TMTC4: variants seen among roughly 807,000 people sequenced by gnomAD.
TMTC4 encodes protein O-mannosyl-transferase TMTC4.
A neutral mutation model predicts 86.0 loss-of-function variants in TMTC4; 65 were observed. The ratio of observed to expected loss-of-function variants is 0.76; its 90% CI spans 0.62 to 0.93. TMTC4 has a LOEUF of 0.93. Ranked by LOEUF, TMTC4 falls within the 40% of genes least tolerant of loss-of-function variation. TMTC4 has a pLI of 0.00. For synonymous variants in TMTC4, 379 were observed against 382.5 expected, an observed-to-expected ratio of 0.99 and a Z score of 0.11; for missense variants, 866 against 948.1, an observed-to-expected ratio of 0.91 and a Z score of 1.14.
intron 15 of TMTC4, among the ~76,000 whole-genome samples, chr13:100,616,479 G>C (rs1024981102): frequency 6.6e-6 from 1 of 152,198 alleles, no homozygotes; most frequent in Non-Finnish European, 1.5e-5. Flanking sequence ...GGGTTTACAG[G>C]TGTGAGCCAC....
chr13:100,636,716 A>G lies in TMTC4; in HGVS notation c.1018T>C (p.Tyr340His). 6.2e-7 allele frequency: 1 copy of G among 1,614,192 alleles called. No individual in the cohort carries two copies. The highest frequency in any genetic ancestry group is 8.5e-7 in the Non-Finnish European group (1 of 1,180,012). Residue 340 changes from tyrosine (Y) to histidine (H), a missense_variant, in exon 10 of 19, where the codon TAC (tyrosine) becomes CAC (histidine). Coordinates refer to ENST00000342624, the MANE Select transcript of TMTC4 (RefSeq NM_032813.5). ...AGCAGCCAGGCATTCAATGAATAGT[A>G]GTAATTGTAGTTTACGGCCTGCCAG... ...MLVRAVNYNY[Y>H]YSLNAWLLLC... is the part of the protein sequence containing the mutation.
At chr13:100,612,714 C>T (rs924904848) in intron 16 of TMTC4, among the ~76,000 whole-genome samples, 7 of 150,840 alleles carry the variant, frequency 4.6e-5, no homozygotes, top group Non-Finnish European at 1.0e-4. Flanking sequence ...AGTGGCAAAG[C>T]CACTGCAATT....
At chr13:100,637,455 G>T in intron 9 of TMTC4, 83 bp downstream of exon 9, 1 of 1,514,602 alleles carries the variant, frequency 6.6e-7, no homozygotes, top group Non-Finnish European at 8.9e-7. Context: ...GTGCAGAGGA[G>T]TGAGACGAGG....
chr13:100,674,724 G>A lies in TMTC4; in HGVS notation c.-208+20C>T. On this transcript the variant is annotated intron_variant, in intron 1 of 18. Transcript: ENST00000342624. ...GCCCCGCGGCGCGCTCGGCCCTGCA[G>A]GGGCCGCCCCGCGCGTTACCTGCAA... The A allele has an allele frequency of 2.0e-6, 2 of 983,508 alleles. No individual in the cohort carries two copies. Among genetic ancestry groups the A allele is most frequent in the Non-Finnish European group, 2.4e-6 (2 of 829,176 alleles). The allele number at this position is 983,508 out of a possible 1,614,324, so 60.9% of individuals were successfully genotyped here. A position where few individuals can be genotyped will look rare whatever the true frequency, so the allele number is the denominator to read the frequency against.
chr13:100,632,075 T>A (rs917248194), intron 12 of TMTC4, among the ~76,000 whole-genome samples: 2 of 150,792 alleles, frequency 1.3e-5, no homozygotes, highest in Middle Eastern at 3.4e-3. Flanking sequence ...TCTCTCTCTC[T>A]CTCTCTCTCT....
intron 15 of TMTC4, among the ~76,000 whole-genome samples, chr13:100,618,450 TCTTG>T (rs1360567481): frequency 7.1e-6 from 1 of 140,966 alleles, no homozygotes; most frequent in African/African-American, 2.6e-5. Flanking sequence ...TTTTGTTGCT[TCTTG>T]TTTTTTTTTT....
chr13:100,631,029 C>T (rs974868790), intron 12 of TMTC4, among the ~76,000 whole-genome samples: 16 of 152,136 alleles, frequency 1.1e-4, no homozygotes, highest in Admixed American at 9.2e-4. Flanking sequence ...CAAAACAGAA[C>T]AAAAATCTCA....
chr13:100,640,174 G>A (rs1882828947), intron 7 of TMTC4, among the ~76,000 whole-genome samples: 1 of 151,724 alleles, frequency 6.6e-6, no homozygotes, highest in Admixed American at 6.6e-5. Context: ...GGACGATTTT[G>A]CCCTCCAGGG....
At chr13:100,626,377 G>A (rs946718305) in intron 12 of TMTC4, among the ~76,000 whole-genome samples, 1 of 152,180 alleles carries the variant, frequency 6.6e-6, no homozygotes, top group African/African-American at 2.4e-5. Flanking sequence ...CATCTCTAAA[G>A]CACAACAGAA....
In TMTC4 at chr13:100,623,640, G is replaced by GTTTTTTTTTTTTTT. The variant is rs71200708; in HGVS notation, c.1836+1894_1836+1895insAAAAAAAAAAAAAA. ...GTCAGTTTTGGAAACTACTAGTTGG[G>GTTTTTTTTTTTTTT]TTTTGTTTTTTTTTTTTTTTTTTTT... On this transcript the variant is annotated intron_variant, in intron 15 of 18. Transcript: ENST00000342624. 1.2e-4 allele frequency among the ~76,000 whole-genome samples: 12 copies of GTTTTTTTTTTTTTT among 96,166 alleles called. 6 individuals carry two copies. Among genetic ancestry groups the GTTTTTTTTTTTTTT allele is most frequent in the Non-Finnish European group, 1.2e-4 (6 of 49,188 alleles). The allele number at this position is 96,166 out of a possible 152,430, so 63.1% of individuals were successfully genotyped here.
chr13:100,664,136 T>A, intron 4 of TMTC4, 85 bp downstream of exon 4: 1 of 1,224,022 alleles, frequency 8.2e-7, no homozygotes. Flanking sequence ...TCCTGAATGC[T>A]GAGAACCTGG....
intron 6 of TMTC4, among the ~76,000 whole-genome samples, chr13:100,655,957 G>C (rs2138994740): frequency 6.6e-6 from 1 of 152,288 alleles, no homozygotes; most frequent in Non-Finnish European, 1.5e-5. Flanking sequence ...ATGAAGGAGG[G>C]ACAGTGTATG....
chr13:100,604,663 C>T lies in TMTC4; in HGVS notation c.*331G>A, dbSNP rs1294015822. ...TTTAATAGTGCTAGTCCATACACGA[C>T]AAGGCTCAGATCCCAAATGTAAGCT... On this transcript the variant is annotated 3_prime_UTR_variant, in exon 19 of 19. Coordinates refer to ENST00000342624, the MANE Select transcript of TMTC4 (RefSeq NM_032813.5). 5 of 197,726 alleles carry T rather than the reference C, an allele frequency of 2.5e-5. No individual in the cohort carries two copies. Among genetic ancestry groups the T allele is most frequent in the Admixed American group, 1.7e-4 (3 of 17,178 alleles). 12.2% of individuals were successfully genotyped at this position (197,726 alleles called of 1,614,324 possible).
At chr13:100,656,331 A>C in intron 6 of TMTC4, 50 bp downstream of exon 6, 1 of 1,539,512 alleles carries the variant, frequency 6.5e-7, no homozygotes, top group South Asian at 1.1e-5. Context: ...GCTCAACAGG[A>C]CAAAAACATG....
chr13:100,635,141 G>C lies in TMTC4; in HGVS notation c.1257C>G (p.Asn419Lys). The change falls in exon 11 of 19, where the codon AAC (asparagine) becomes AAG (lysine). Residue 419 changes from asparagine (N) to lysine (K), a missense_variant. Coordinates refer to ENST00000342624, the MANE Select transcript of TMTC4 (RefSeq NM_032813.5). ...CCACGAAGCCCACTCGGAAGAACAG[G>C]TTACTCGCGGGGAGAAATGGGATAA... ...FLVIPFLPAS[N>K]LFFRVGFVVA... 1 of 1,613,870 alleles carries C rather than the reference G, an allele frequency of 6.2e-7. No homozygotes were observed. The highest frequency in any genetic ancestry group is 8.5e-7 in the Non-Finnish European group (1 of 1,179,928).
intron 7 of TMTC4, 43 bp from the exon 8 acceptor site, chr13:100,638,065 C>T (rs1485304628): frequency 1.3e-6 from 2 of 1,512,970 alleles, no homozygotes; most frequent in African/African-American, 2.7e-5. Flanking sequence ...GAGAGCTTGG[C>T]TGTGTTAGGC....
chr13:100,658,328 G>C (rs910206791), intron 5 of TMTC4, among the ~76,000 whole-genome samples: 4 of 152,122 alleles, frequency 2.6e-5, no homozygotes, highest in African/African-American at 9.7e-5. Context: ...TGCAGCCCCG[G>C]GTGAGTGAGG....
At chr13:100,626,003 G>A (rs908082260) in intron 13 of TMTC4, 68 bp downstream of exon 13, 103 of 1,601,566 alleles carry the variant, frequency 6.4e-5, no homozygotes, top group Non-Finnish European at 8.6e-5. Context: ...TAAAGGAACA[G>A]GTGTTTCATA....
At chr13:100,657,538 T>C (rs554638437) in intron 5 of TMTC4, among the ~76,000 whole-genome samples, 18 of 152,136 alleles carry the variant, frequency 1.2e-4, no homozygotes, top group Admixed American at 1.0e-3. Flanking sequence ...TTGTACGTGA[T>C]GAAAGACACA....
Sources: allele counts gnomAD v4.1 joint callset (sites outside exome capture counted in the v4.1 genomes callset), GRCh38; gene constraint gnomAD v4.1.1; transcripts MANE v1.5; gene names NCBI Gene and HGNC (gene_info 2026-07-23, HGNC 2026-07-21).